ERC2: variants seen among roughly 807,000 people sequenced by gnomAD.
ERC2 encodes ERC protein 2.
ERC2 carries 42 observed loss-of-function variants against 114.8 expected under a neutral mutation model. The ratio of observed to expected loss-of-function variants is 0.37; its 90% CI spans 0.29 to 0.47. The LOEUF (loss-of-function observed/expected upper bound fraction) is 0.47, where lower values mean the gene tolerates loss of function less well. Among genes scored for constraint, ERC2 ranks in the 20% least tolerant of loss-of-function variants. The pLI is 0.99. For synonymous variants in ERC2, 454 were observed against 425.5 expected, an observed-to-expected ratio of 1.07 and a Z score of -0.82; for missense variants, 939 against 1,150.7, an observed-to-expected ratio of 0.82 and a Z score of 2.66.
intron 6 of ERC2, among the ~76,000 whole-genome samples, chr3:56,090,491 A>C (rs2077727566): frequency 6.6e-6 from 1 of 152,182 alleles, no homozygotes; most frequent in Non-Finnish European, 1.5e-5. Context: ...GGTTGGAGGT[A>C]GTGGAGGTAG....
intron 2 of ERC2, among the ~76,000 whole-genome samples, chr3:56,348,030 C>T (rs2058374111): frequency 6.6e-6 from 1 of 152,214 alleles, no homozygotes; most frequent in Non-Finnish European, 1.5e-5. Context: ...GGAGTGGACA[C>T]ATAATTCTCA....
chr3:56,059,530 C>A (rs1413652870), intron 7 of ERC2, among the ~76,000 whole-genome samples: 1 of 152,192 alleles, frequency 6.6e-6, no homozygotes, highest in Non-Finnish European at 1.5e-5. Context: ...GTTTCCCCAT[C>A]TGAAAACTGA....
rs146106079 is a variant in ERC2, at chr3:56,108,535, G to C, written c.1474-27551C>G. On this transcript the variant is annotated intron_variant, in intron 6 of 17. Coordinates refer to ENST00000288221, the MANE Select transcript of ERC2 (RefSeq NM_015576.3). ...CTATTTCTTATACATATTTCAAAAT[G>C]ACATTACAAAAGATAAATCACTTAG... is the stretch of plus-strand genomic sequence containing the variant. Among the ~76,000 whole-genome samples, 85 of 151,866 alleles carry C rather than the reference G, an allele frequency of 5.6e-4. 1 individual carries two copies. The East Asian group carries it at 0.016, about 28-fold the overall frequency.
At chr3:56,261,322 T>A (rs1425011125) in intron 3 of ERC2, among the ~76,000 whole-genome samples, 1 of 152,198 alleles carries the variant, frequency 6.6e-6, no homozygotes, top group Non-Finnish European at 1.5e-5. Flanking sequence ...TACAATCTGT[T>A]ATTTCCCATA....
intron 2 of ERC2, among the ~76,000 whole-genome samples, chr3:56,401,965 C>A (rs541689266): frequency 2.0e-5 from 3 of 152,294 alleles, no homozygotes; most frequent in South Asian, 2.1e-4. Context: ...AAAGGGGAAG[C>A]AAGACATGTC....
intron 14 of ERC2, among the ~76,000 whole-genome samples, chr3:55,777,917 A>C (rs2068746471): frequency 6.6e-6 from 1 of 152,176 alleles, no homozygotes; most frequent in South Asian, 2.1e-4. Flanking sequence ...AAAAAAAATT[A>C]ATTTTGTTAG....
intron 13 of ERC2, among the ~76,000 whole-genome samples, chr3:55,890,472 G>A (rs1474777440): frequency 2.6e-5 from 4 of 152,084 alleles, no homozygotes; most frequent in African/African-American, 7.2e-5. Flanking sequence ...CTCATTCATC[G>A]AAGCTGATCT....
intron 14 of ERC2, among the ~76,000 whole-genome samples, chr3:55,783,927 C>T (rs959234045): frequency 2.0e-5 from 3 of 152,114 alleles, no homozygotes; most frequent in African/African-American, 7.2e-5. Flanking sequence ...TCTTTCACCC[C>T]TAACTACTCT....
intron 3 of ERC2, among the ~76,000 whole-genome samples, chr3:56,200,111 G>A (rs2048326979): frequency 6.6e-6 from 1 of 152,016 alleles, no homozygotes; most frequent in Non-Finnish European, 1.5e-5. Context: ...TTACTGTGAG[G>A]AATTCAGACT....
chr3:55,586,644 A>T lies in ERC2; in HGVS notation c.*40-75368T>A, dbSNP rs77647602. On this transcript the variant is annotated intron_variant, in intron 17 of 17. Transcript: ENST00000288221. Reference sequence around the variant, plus strand: ...TGATCCAAACATTTTCACATTTGTGACATAACACAAAGCTCCTTAACCCCC... The same window carrying T: ...TGATCCAAACATTTTCACATTTGTGTCATAACACAAAGCTCCTTAACCCCC... 4.6e-3 allele frequency among the ~76,000 whole-genome samples: 699 copies of T among 152,350 alleles called. 22 individuals are homozygous for T. The East Asian group carries it at 0.095, about 21-fold the overall frequency.
At chr3:56,010,422 G>A (rs1381668430) in intron 9 of ERC2, 27 bp downstream of exon 9, 14 of 1,609,512 alleles carry the variant, frequency 8.7e-6, no homozygotes, top group Non-Finnish European at 1.2e-5. Context: ...GACTATCAAT[G>A]TGGTTCATTT....
intron 17 of ERC2, among the ~76,000 whole-genome samples, chr3:55,548,394 T>C (rs2054909769): frequency 6.6e-6 from 1 of 152,242 alleles, no homozygotes; most frequent in South Asian, 2.1e-4. Context: ...GAGATGTAAA[T>C]AGTGTGGCTT....
At chr3:55,520,955 A>C (rs2052887532) in intron 17 of ERC2, among the ~76,000 whole-genome samples, 1 of 152,156 alleles carries the variant, frequency 6.6e-6, no homozygotes, top group African/African-American at 2.4e-5. Flanking sequence ...GGAGCCAGAG[A>C]GAGGCATTCT....
At chr3:56,464,231 A>C (rs535122557) in intron 1 of ERC2, among the ~76,000 whole-genome samples, 1 of 152,380 alleles carries the variant, frequency 6.6e-6, no homozygotes, top group South Asian at 2.1e-4. Flanking sequence ...GTTTACAGAC[A>C]AGTGTTGTCC....
intron 3 of ERC2, among the ~76,000 whole-genome samples, chr3:56,193,705 C>T (rs889388580): frequency 6.6e-6 from 1 of 152,000 alleles, no homozygotes; most frequent in South Asian, 2.1e-4. Context: ...ACTGATGAGA[C>T]CAGTACTATT....
intron 7 of ERC2, among the ~76,000 whole-genome samples, chr3:56,019,951 C>A (rs1293054684): frequency 6.6e-6 from 1 of 152,234 alleles, no homozygotes; most frequent in African/African-American, 2.4e-5. Context: ...TTGCATTCTG[C>A]ACCCAGCTTT....
At chr3:55,774,939 T>G (rs957550972) in intron 14 of ERC2, among the ~76,000 whole-genome samples, 1 of 152,206 alleles carries the variant, frequency 6.6e-6, no homozygotes, top group African/African-American at 2.4e-5. Context: ...AAACTTTAAA[T>G]TGTTACAGTT....
chr3:55,585,682 G>A (rs1575666482), intron 17 of ERC2, among the ~76,000 whole-genome samples: 2 of 152,176 alleles, frequency 1.3e-5, no homozygotes, highest in East Asian at 3.9e-4. Context: ...TCATGTAATT[G>A]TTATTCCCAG....
At position 55,800,343 on chromosome 3, in the gene ERC2, C is replaced by T. The variant is rs28712293; in HGVS notation, c.2565-65425G>A. On this transcript the variant is annotated intron_variant, in intron 14 of 17. Transcript: ENST00000288221. Reference sequence around the variant, plus strand: ...ATTTTTAGTAGAAATGGGGTTTCACCTTGTTGGTCAGGCTGGTCTCGAACT... The same window carrying T: ...ATTTTTAGTAGAAATGGGGTTTCACTTTGTTGGTCAGGCTGGTCTCGAACT... Among the ~76,000 whole-genome samples the T allele has an allele frequency of 5.7e-3, 871 of 152,138 alleles. 9 individuals are homozygous for T. Among genetic ancestry groups the T allele is most frequent in the African/African-American group, 0.02 (829 of 41,484 alleles).
Sources: gnomAD v4.1 joint callset for allele counts (sites outside exome capture counted in the v4.1 genomes callset) on GRCh38, gnomAD v4.1.1 for gene constraint, MANE v1.5 for transcripts, NCBI Gene and HGNC (gene_info 2026-07-23, HGNC 2026-07-21) for gene names.